CACNA2D1: variants seen among roughly 807,000 people sequenced by gnomAD.
CACNA2D1 encodes the protein calcium voltage-gated channel auxiliary subunit alpha2delta 1.
In CACNA2D1, 53 loss-of-function variants were observed where a neutral mutation model predicts 171.5. The observed-to-expected ratio is 0.31, with a 90% CI of 0.25 to 0.39. The LOEUF is 0.39. Ranked by LOEUF, CACNA2D1 falls within the 10% of genes least tolerant of loss-of-function variation. The pLI, the probability that CACNA2D1 is intolerant of heterozygous loss-of-function variation, is 1.00. For synonymous variants in CACNA2D1, 442 were observed against 443.1 expected (o/e 1.00, Z 0.03); for missense variants, 903 against 1,299.8 (o/e 0.69, Z 4.69).
At chr7:82,408,065 G>T (rs1827251993) in intron 1 of CACNA2D1, among the ~76,000 whole-genome samples, 1 of 148,456 alleles carries the variant, frequency 6.7e-6, no homozygotes, top group Non-Finnish European at 1.5e-5. Context: ...TTGTTGCCCA[G>T]GCTGGAGTGC....
intron 3 of CACNA2D1, among the ~76,000 whole-genome samples, chr7:82,334,838 A>C (rs1817793819): frequency 1.3e-5 from 2 of 152,124 alleles, no homozygotes; most frequent in South Asian, 4.1e-4. Context: ...CATGATGTAC[A>C]TATGGATTTA....
chr7:82,174,403 A>C (rs1796356601), intron 3 of CACNA2D1, among the ~76,000 whole-genome samples: 4 of 152,118 alleles, frequency 2.6e-5, no homozygotes, highest in Admixed American at 2.6e-4. Context: ...TCCTTTGGAT[A>C]TCAAATAAGT....
chr7:82,357,737 G>A (rs1301764699), intron 1 of CACNA2D1, among the ~76,000 whole-genome samples: 1 of 150,670 alleles, frequency 6.6e-6, no homozygotes, highest in Non-Finnish European at 1.5e-5. Context: ...GGGAGGGATA[G>A]CATTAGGAGA....
At chr7:82,240,859 C>G (rs1384244721) in intron 3 of CACNA2D1, among the ~76,000 whole-genome samples, 1 of 151,452 alleles carries the variant, frequency 6.6e-6, no homozygotes, top group Non-Finnish European at 1.5e-5. Context: ...TCCAGCTACT[C>G]GTGAGGCTGA....
chr7:82,138,440 G>GTTTTTTTTTTT (rs1423711232), intron 4 of CACNA2D1, among the ~76,000 whole-genome samples: 2 of 95,352 alleles, frequency 2.1e-5, no homozygotes, highest in African/African-American at 7.2e-5. Context: ...TGTTTTTTTT[G>GTTTTTTTTTTT]TTTTTTTTGT....
At chr7:82,019,894 C>T (rs1384130096) in intron 12 of CACNA2D1, among the ~76,000 whole-genome samples, 1 of 152,094 alleles carries the variant, frequency 6.6e-6, no homozygotes, top group Non-Finnish European at 1.5e-5. Flanking sequence ...TTATATTAAT[C>T]TACTCTGTGT....
intron 5 of CACNA2D1, among the ~76,000 whole-genome samples, chr7:82,128,671 T>C (rs1179828314): frequency 6.6e-6 from 1 of 152,176 alleles, no homozygotes; most frequent in African/African-American, 2.4e-5. Context: ...TACACCAGCC[T>C]AATAAACACG....
chr7:82,119,456 T>C (rs1189609578), intron 5 of CACNA2D1, among the ~76,000 whole-genome samples: 1 of 152,180 alleles, frequency 6.6e-6, no homozygotes, highest in Non-Finnish European at 1.5e-5. Flanking sequence ...CCAGTGCATA[T>C]TAGCAAATTT....
At chr7:82,213,875 CA>C (rs1343428504) in intron 3 of CACNA2D1, among the ~76,000 whole-genome samples, 2 of 152,098 alleles carry the variant, frequency 1.3e-5, no homozygotes, top group Admixed American at 6.6e-5. Flanking sequence ...GCTACTATAA[CA>C]AAATACCACA....
chr7:82,107,691 C>G (rs1277243629), intron 6 of CACNA2D1, among the ~76,000 whole-genome samples: 1 of 150,980 alleles, frequency 6.6e-6, no homozygotes, highest in Non-Finnish European at 1.5e-5. Context: ...TCAAGCCATT[C>G]TCCTGCCTCA....
intron 8 of CACNA2D1, among the ~76,000 whole-genome samples, chr7:82,065,410 C>A (rs1044512536): frequency 1.3e-5 from 2 of 152,146 alleles, no homozygotes; most frequent in Non-Finnish European, 2.9e-5. Context: ...TACTGATTGG[C>A]ACCCAGCTTC....
At chr7:82,135,037 C>A (rs1791442575) in intron 5 of CACNA2D1, among the ~76,000 whole-genome samples, 1 of 151,918 alleles carries the variant, frequency 6.6e-6, no homozygotes. Flanking sequence ...AATGAGCAAA[C>A]CTAAATAAAA....
chr7:82,200,934 T>C (rs2129204905), intron 3 of CACNA2D1, among the ~76,000 whole-genome samples: 1 of 152,360 alleles, frequency 6.6e-6, no homozygotes, highest in East Asian at 1.9e-4. Flanking sequence ...TGTGCATATA[T>C]GTTATGCATG....
chr7:82,022,779 T>C (rs1699716355), intron 12 of CACNA2D1, among the ~76,000 whole-genome samples: 1 of 151,924 alleles, frequency 6.6e-6, no homozygotes, highest in Non-Finnish European at 1.5e-5. Flanking sequence ...TTCTTTAAAA[T>C]AAGTACGTTA....
At chr7:82,122,734 G>A (rs1789882952) in intron 5 of CACNA2D1, among the ~76,000 whole-genome samples, 2 of 152,184 alleles carry the variant, frequency 1.3e-5, no homozygotes, top group South Asian at 4.1e-4. Flanking sequence ...TACAGAGTCT[G>A]AAAGTTCAAC....
chr7:82,420,303 G>A (rs1207462452), intron 1 of CACNA2D1, among the ~76,000 whole-genome samples: 1 of 152,130 alleles, frequency 6.6e-6, no homozygotes, highest in Non-Finnish European at 1.5e-5. Flanking sequence ...CATTCATCAT[G>A]CTGTGTCTGA....
At chr7:82,037,507 A>G (rs541328559) in intron 11 of CACNA2D1, among the ~76,000 whole-genome samples, 6 of 152,086 alleles carry the variant, frequency 3.9e-5, no homozygotes, top group Admixed American at 1.3e-4. Context: ...ATGCTATAAC[A>G]TGGGGCAATA....
intron 3 of CACNA2D1, among the ~76,000 whole-genome samples, chr7:82,284,946 T>G (rs1027780066): frequency 6.6e-6 from 1 of 152,070 alleles, no homozygotes; most frequent in South Asian, 2.1e-4. Flanking sequence ...CAAACAGATT[T>G]TTAGCCACAC....
chr7:82,162,480 C>A (rs934464524), intron 4 of CACNA2D1, among the ~76,000 whole-genome samples: 1 of 151,962 alleles, frequency 6.6e-6, no homozygotes, highest in Non-Finnish European at 1.5e-5. Context: ...AGGAGGAGGT[C>A]ATTTTGCACA....
Sources: gnomAD v4.1 joint callset for allele counts (sites outside exome capture counted in the v4.1 genomes callset) on GRCh38, gnomAD v4.1.1 for gene constraint, MANE v1.5 for transcripts, NCBI Gene and HGNC (gene_info 2026-07-23, HGNC 2026-07-21) for gene names.